Variants in CDH12 observed in about 807,000 individuals in gnomAD.
The protein encoded by CDH12 is cadherin-12.
In CDH12, 41 loss-of-function variants were observed where a neutral mutation model predicts 74.1. The ratio of observed to expected loss-of-function variants is 0.55; its 90% CI spans 0.43 to 0.72. The LOEUF (loss-of-function observed/expected upper bound fraction) is 0.72, where lower values mean the gene tolerates loss of function less well. CDH12 is among the 30% of genes least tolerant of loss of function. The pLI, the probability that CDH12 is intolerant of heterozygous loss-of-function variation, is 0.00. For synonymous variants in CDH12, 399 were observed against 355.0 expected (o/e 1.12, Z -1.39); for missense variants, 945 against 977.2 (o/e 0.97, Z 0.44).
chr5:22,845,652 A>G (rs2126531687), intron 1 of CDH12, among the ~76,000 whole-genome samples: 1 of 152,302 alleles, frequency 6.6e-6, no homozygotes, highest in African/African-American at 2.4e-5. Flanking sequence ...GACAATTGTT[A>G]GAGAACATCA....
At chr5:21,938,313 C>G (rs1478923596) in intron 6 of CDH12, among the ~76,000 whole-genome samples, 1 of 152,078 alleles carries the variant, frequency 6.6e-6, no homozygotes. Context: ...TCTGTCAGAC[C>G]TCATTTAAAA....
chr5:22,412,451 C>G (rs142033902), intron 2 of CDH12, among the ~76,000 whole-genome samples: 14 of 151,926 alleles, frequency 9.2e-5, no homozygotes, highest in African/African-American at 3.4e-4. Context: ...CTATAGCACA[C>G]AAAAATGGTG....
chr5:21,890,806 T>C (rs1463775675), intron 6 of CDH12, among the ~76,000 whole-genome samples: 1 of 152,112 alleles, frequency 6.6e-6, no homozygotes, highest in Non-Finnish European at 1.5e-5. Flanking sequence ...AAAGTGAGGA[T>C]ACTGTCAAAT....
chr5:22,521,314 A>G (rs1737046822), intron 1 of CDH12, among the ~76,000 whole-genome samples: 1 of 151,952 alleles, frequency 6.6e-6, no homozygotes, highest in African/African-American at 2.4e-5. Flanking sequence ...CATCTATTTT[A>G]TTAGTCTTAT....
At chr5:22,809,243 T>C (rs1412996523) in intron 1 of CDH12, among the ~76,000 whole-genome samples, 1 of 152,066 alleles carries the variant, frequency 6.6e-6, no homozygotes, top group Non-Finnish European at 1.5e-5. Context: ...AAATTGTCAG[T>C]TGCTATTTTG....
intron 10 of CDH12, among the ~76,000 whole-genome samples, chr5:21,800,088 A>C (rs1028895689): frequency 6.6e-6 from 1 of 152,206 alleles, no homozygotes; most frequent in South Asian, 2.1e-4. Context: ...CTCTTTCTAC[A>C]TCTTGGAATA....
chr5:22,195,111 A>G (rs543542601), intron 4 of CDH12, among the ~76,000 whole-genome samples: 1 of 152,354 alleles, frequency 6.6e-6, no homozygotes, highest in South Asian at 2.1e-4. Flanking sequence ...TCTGTCCTCT[A>G]GGTAGACAGA....
chr5:21,757,822 A>G (rs1302046695), intron 13 of CDH12, among the ~76,000 whole-genome samples: 1 of 152,188 alleles, frequency 6.6e-6, no homozygotes, highest in Middle Eastern at 3.4e-3. Flanking sequence ...CTGGAAATCT[A>G]TTTTGTCTTA....
intron 1 of CDH12, among the ~76,000 whole-genome samples, chr5:22,569,161 T>G (rs1400558427): frequency 6.6e-6 from 1 of 152,220 alleles, no homozygotes; most frequent in Non-Finnish European, 1.5e-5. Context: ...AGTTTGGATA[T>G]ATGTCCCTCC....
At chr5:22,195,825 T>C (rs1004286212) in intron 4 of CDH12, among the ~76,000 whole-genome samples, 2 of 152,162 alleles carry the variant, frequency 1.3e-5, no homozygotes, top group Non-Finnish European at 2.9e-5. Context: ...TTTAGCTCAA[T>C]ATGAGGGAAT....
intron 4 of CDH12, among the ~76,000 whole-genome samples, chr5:22,131,187 T>C (rs1312916751): frequency 6.6e-6 from 1 of 152,130 alleles, no homozygotes; most frequent in African/African-American, 2.4e-5. Flanking sequence ...TGTCTAACTG[T>C]CAGCTTCTAT....
rs1340138733 is a variant in CDH12, at chr5:22,610,249, T to C, written c.-522-104885A>G. Among the ~76,000 whole-genome samples, 6 of 152,194 alleles carry C rather than the reference T, an allele frequency of 3.9e-5. No individual in the cohort carries two copies. The East Asian group carries it at 1.2e-3, about 29-fold the overall frequency. ...AAGATGGAAGGAGACTAGGTTCTTA[T>C]ATCATGTCTTGGAAGATAGGCTCTT... On this transcript the variant is annotated intron_variant, in intron 1 of 14. Coordinates refer to ENST00000382254, the MANE Select transcript of CDH12 (RefSeq NM_004061.5).
chr5:22,338,330 A>G (rs1739680959), intron 3 of CDH12, among the ~76,000 whole-genome samples: 1 of 152,172 alleles, frequency 6.6e-6, no homozygotes, highest in Admixed American at 6.5e-5. Flanking sequence ...ACAAAAAGGA[A>G]AATACTGCAT....
At chr5:22,727,739 T>A (rs1042571698) in intron 1 of CDH12, among the ~76,000 whole-genome samples, 2 of 151,874 alleles carry the variant, frequency 1.3e-5, no homozygotes, top group African/African-American at 2.4e-5. Context: ...ACTTTTTTTT[T>A]AATCGTTTAT....
chr5:22,407,879 C>T (rs1743005330), intron 2 of CDH12, among the ~76,000 whole-genome samples: 1 of 152,110 alleles, frequency 6.6e-6, no homozygotes, highest in African/African-American at 2.4e-5. Context: ...ACTACCTGTT[C>T]AATTATACCT....
chr5:22,206,244 G>C (rs1172393435), intron 4 of CDH12, among the ~76,000 whole-genome samples: 10 of 152,256 alleles, frequency 6.6e-5, no homozygotes, highest in Non-Finnish European at 1.2e-4. Context: ...CTCTCTGGCA[G>C]GTTGTCAGAA....
chr5:22,222,437 T>C (rs901108643), intron 3 of CDH12, among the ~76,000 whole-genome samples: 5 of 151,952 alleles, frequency 3.3e-5, no homozygotes, highest in Admixed American at 6.6e-5. Context: ...TGAGGTGCCT[T>C]TTTATGTTGC....
intron 2 of CDH12, among the ~76,000 whole-genome samples, chr5:22,408,903 G>T (rs1743063260): frequency 6.6e-6 from 1 of 151,828 alleles, no homozygotes; most frequent in Non-Finnish European, 1.5e-5. Context: ...TTTTGCAGTA[G>T]ATAATTAATG....
chr5:22,772,313 T>A, intron 1 of CDH12, among the ~76,000 whole-genome samples: 1 of 152,004 alleles, frequency 6.6e-6, no homozygotes, highest in East Asian at 1.9e-4. Flanking sequence ...AAGGCCACTG[T>A]GATTTGACAA....
Sources: gnomAD v4.1 joint callset for allele counts (sites outside exome capture counted in the v4.1 genomes callset) on GRCh38, gnomAD v4.1.1 for gene constraint, MANE v1.5 for transcripts, NCBI Gene and HGNC (gene_info 2026-07-23, HGNC 2026-07-21) for gene names.